Variants in EGF observed in about 807,000 individuals in gnomAD.
EGF encodes the protein pro-epidermal growth factor.
A neutral mutation model predicts 143.8 loss-of-function variants in EGF; 95 were observed. That is an observed-to-expected ratio of 0.66 (90% confidence interval 0.56 to 0.78). The LOEUF is 0.78. Among genes scored for constraint, EGF ranks in the 30% least tolerant of loss-of-function variants. The pLI is 0.00. For synonymous variants in EGF, 510 were observed against 510.5 expected, an observed-to-expected ratio of 1.00 and a Z score of 0.01; for missense variants, 1,320 against 1,470.9, an observed-to-expected ratio of 0.90 and a Z score of 1.68.
chr4:109,929,831 A>G (rs1044137872), intron 1 of EGF, among the ~76,000 whole-genome samples: 5 of 152,202 alleles, frequency 3.3e-5, no homozygotes, highest in African/African-American at 1.2e-4. Flanking sequence ...ACATAGATGA[A>G]TAAACTGAGA....
intron 13 of EGF, among the ~76,000 whole-genome samples, chr4:109,976,668 A>G: frequency 6.6e-6 from 1 of 152,204 alleles, no homozygotes; most frequent in East Asian, 1.9e-4. Flanking sequence ...GGGGTGTCAT[A>G]TATTTTCATA....
intron 2 of EGF, among the ~76,000 whole-genome samples, chr4:109,941,596 T>C (rs1442079611): frequency 6.6e-6 from 1 of 152,168 alleles, no homozygotes; most frequent in Non-Finnish European, 1.5e-5. Context: ...GGTAGAGGCC[T>C]GGGATGCTGC....
At chr4:109,985,468 C>A in intron 16 of EGF, among the ~76,000 whole-genome samples, 1 of 152,252 alleles carries the variant, frequency 6.6e-6, no homozygotes, top group Admixed American at 6.5e-5. Context: ...CCAGCCTCAA[C>A]AAGGGCTCAC....
intron 4 of EGF, 106 bp downstream of exon 4, chr4:109,944,175 G>A: frequency 4.7e-6 from 6 of 1,283,562 alleles, no homozygotes; most frequent in Non-Finnish European, 5.5e-6. Flanking sequence ...TTAGGCCATA[G>A]ATTTTGAATC....
intron 16 of EGF, 81 bp from the exon 17 acceptor site, chr4:109,987,663 G>C: frequency 1.7e-6 from 2 of 1,161,180 alleles, no homozygotes; most frequent in Non-Finnish European, 2.6e-6. Flanking sequence ...GTGGTGGACT[G>C]TTCTGTAGAA....
intron 16 of EGF, among the ~76,000 whole-genome samples, chr4:109,986,572 T>C (rs977433817): frequency 1.3e-5 from 2 of 152,164 alleles, no homozygotes; most frequent in Non-Finnish European, 1.5e-5. Flanking sequence ...CTTTCTTTAA[T>C]TTATCGGCAA....
chr4:109,933,792 T>A (rs1331533260), intron 1 of EGF, among the ~76,000 whole-genome samples: 1 of 152,238 alleles, frequency 6.6e-6, no homozygotes, highest in African/African-American at 2.4e-5. Context: ...ATGGTGTATA[T>A]GTGCCACATT....
intron 20 of EGF, among the ~76,000 whole-genome samples, chr4:109,999,184 T>C (rs1227670510): frequency 6.6e-6 from 1 of 152,220 alleles, no homozygotes; most frequent in Non-Finnish European, 1.5e-5. Flanking sequence ...AAGTTTTCTC[T>C]GCAGACTAGG....
chr4:109,943,891 C>A lies in EGF; in HGVS notation c.559C>A (p.Leu187Ile). The A allele has an allele frequency of 6.2e-7, 1 of 1,614,100 alleles. No individual in the cohort carries two copies. The highest frequency in any genetic ancestry group is 8.5e-7 in the Non-Finnish European group (1 of 1,180,022). The change falls in exon 4 of 24, where the codon CTC becomes ATC. Residue 187 changes from leucine (L) to isoleucine (I), a missense_variant. Around this residue, in one of 5 missense-constraint regions of EGF, gnomAD observed 1,186 missense variants for 1,313.7 expected, o/e 0.90. Coordinates refer to ENST00000265171, the MANE Select transcript of EGF (RefSeq NM_001963.6). ...GGCTGGAAGCCTTTATAGAGCAGATCTCGATGGTGTGGGAGTGAAGGCTCT... is the reference window on the plus strand; with the variant it reads ...GGCTGGAAGCCTTTATAGAGCAGATATCGATGGTGTGGGAGTGAAGGCTCT... ...EVAGSLYRADLDGVGVKALLE... is the reference protein window; with the variant it reads ...EVAGSLYRADIDGVGVKALLE...
Position 109,944,032 on chromosome 4 carries a change from G to C in EGF, c.700G>C (p.Asp234His), listed in dbSNP as rs760745991. Residue 234 changes from aspartate to histidine, a missense_variant, in exon 4 of 24, where the codon GAT becomes CAT. Physicochemically the swap from Asp to His is moderately conservative, Grantham distance 81. Transcript: ENST00000265171. ...TTCTCTTATTTGCTCCTGTGATTAT[G>C]ATGGAGGTTCTGTCCACATTAGTAA... is the stretch of plus-strand genomic sequence containing the variant. ...SNSLICSCDY[D>H]GGSVHISKHP... is the part of the protein sequence containing the mutation. 4 of 1,614,176 alleles carry C rather than the reference G, an allele frequency of 2.5e-6. No individual in the cohort carries two copies. The highest frequency in any genetic ancestry group is 3.4e-6 in the Non-Finnish European group (4 of 1,180,026).
chr4:109,974,688 T>G lies in EGF; in HGVS notation c.1725-15T>G. On this transcript the variant is annotated splice_polypyrimidine_tract_variant and intron_variant, in intron 11 of 23. Coordinates refer to ENST00000265171, the MANE Select transcript of EGF (RefSeq NM_001963.6). ...AGGTGTTATAACAAACTCCCTTATTTTGCACATATTTTAGGAAATCTCTGA... is the reference window on the plus strand; with the variant it reads ...AGGTGTTATAACAAACTCCCTTATTGTGCACATATTTTAGGAAATCTCTGA... 1.3e-6 allele frequency: 2 copies of G among 1,589,660 alleles called. No homozygotes were observed. Among genetic ancestry groups the G allele is most frequent in the Non-Finnish European group, 1.7e-6 (2 of 1,158,032 alleles).
Position 109,980,689 on chromosome 4 carries a change from G to T in EGF, c.2222-137G>T, listed in dbSNP as rs912734501. 6 of 947,876 alleles carry T rather than the reference G, an allele frequency of 6.3e-6. No individual in the cohort carries two copies. In the African/African-American group the frequency reaches 9.8e-5, roughly 15 times the overall value. The allele number at this position is 947,876 out of a possible 1,614,324, so 58.7% of individuals were successfully genotyped here. ...GGGGAACTCTTCTGAAATAGCTATT[G>T]ATATACCCTCTATTTAGATACACTG... On this transcript the variant is annotated intron_variant, in intron 14 of 23. Transcript: ENST00000265171.
chr4:109,926,718 T>A (rs1229311352), intron 1 of EGF, among the ~76,000 whole-genome samples: 2 of 152,204 alleles, frequency 1.3e-5, no homozygotes, highest in Non-Finnish European at 2.9e-5. Flanking sequence ...TTTGGCTTTT[T>A]AAAAATTTTT....
chr4:109,991,784 T>C (rs6840890), intron 18 of EGF, among the ~76,000 whole-genome samples: 15,718 of 152,178 alleles, frequency 0.1, 2,511 homozygotes, highest in African/African-American at 0.34. Flanking sequence ...AGGTTGTTTA[T>C]TAATCTCCAA....
chr4:109,983,205 C>T (rs749028050), intron 15 of EGF, among the ~76,000 whole-genome samples: 1 of 152,046 alleles, frequency 6.6e-6, no homozygotes, highest in Non-Finnish European at 1.5e-5. Context: ...GGTTCCTTAT[C>T]CCCCGAATCA....
intron 7 of EGF, among the ~76,000 whole-genome samples, chr4:109,961,626 A>T (rs1745713644): frequency 6.6e-6 from 1 of 152,180 alleles, no homozygotes; most frequent in Non-Finnish European, 1.5e-5. Flanking sequence ...ATTGTATCTA[A>T]AAAACTTAAC....
chr4:109,974,863 G>T lies in EGF; in HGVS notation c.1829+56G>T. ...TGCAGAGGTCATGTGACAGTTCATG[G>T]TTGATATGCTAGTGTCCAAAACCAG... On this transcript the variant is annotated intron_variant, in intron 12 of 23. Transcript: ENST00000265171. 5 of 1,397,030 alleles carry T rather than the reference G, an allele frequency of 3.6e-6. No homozygotes were observed. In the South Asian group the frequency reaches 5.8e-5, roughly 16 times the overall value. 86.5% of individuals were successfully genotyped at this position (1,397,030 alleles called of 1,614,324 possible).
chr4:109,975,981 T>G, intron 12 of EGF, 31 bp from the exon 13 acceptor site: 3 of 1,571,310 alleles, frequency 1.9e-6, no homozygotes, highest in South Asian at 1.1e-5. Flanking sequence ...TTCATGCAGA[T>G]ATTATTTGTT....
intron 3 of EGF, 24 bp downstream of exon 3, chr4:109,943,459 T>C (rs767836927): frequency 6.2e-7 from 1 of 1,600,904 alleles, no homozygotes; most frequent in Non-Finnish European, 8.6e-7. Flanking sequence ...TATTCAGACA[T>C]TGAAATATAT....
Sources: gnomAD v4.1 joint callset for allele counts (sites outside exome capture counted in the v4.1 genomes callset) on GRCh38, gnomAD v4.1.1 for gene constraint, gnomAD v4.1.1 regional missense constraint, MANE v1.5 for transcripts, NCBI Gene and HGNC (gene_info 2026-07-23, HGNC 2026-07-21) for gene names.